The following NELL1 variants were observed in gnomAD, a reference collection of about 807,000 sequenced individuals.
NELL1 encodes neural EGFL like 1, also known as protein kinase C-binding protein NELL1.
In NELL1, 76 loss-of-function variants were observed where a neutral mutation model predicts 107.4. That is an observed-to-expected ratio of 0.71 (90% confidence interval 0.59 to 0.86). NELL1 has a LOEUF of 0.86. Ranked by LOEUF, NELL1 falls within the 40% of genes least tolerant of loss-of-function variation. The pLI, the probability that NELL1 is intolerant of heterozygous loss-of-function variation, is 0.00. For missense variants in NELL1, 1,024 were observed against 1,005.5 expected, an observed-to-expected ratio of 1.02 and a Z score of -0.25; for synonymous variants, 353 against 341.2, an observed-to-expected ratio of 1.03 and a Z score of -0.38.
At chr11:21,100,215 G>A (rs1411999827) in intron 12 of NELL1, among the ~76,000 whole-genome samples, 2 of 151,948 alleles carry the variant, frequency 1.3e-5, no homozygotes, top group Admixed American at 6.6e-5. Context: ...ACAGGGTTTC[G>A]CCACGTTGCC....
intron 1 of NELL1, among the ~76,000 whole-genome samples, chr11:20,676,007 C>G (rs970025272): frequency 6.6e-6 from 1 of 152,114 alleles, no homozygotes; most frequent in African/African-American, 2.4e-5. Context: ...CCTCAGCCTC[C>G]CAAAGTGTTA....
At chr11:21,108,527 G>T (rs952393585) in intron 12 of NELL1, among the ~76,000 whole-genome samples, 1 of 152,090 alleles carries the variant, frequency 6.6e-6, no homozygotes, top group East Asian at 1.9e-4. Context: ...TTATATGAAA[G>T]AATTGCAATT....
intron 13 of NELL1, among the ~76,000 whole-genome samples, chr11:21,226,102 T>C (rs529357556): frequency 6.6e-6 from 1 of 151,974 alleles, no homozygotes; most frequent in East Asian, 1.9e-4. Context: ...GAATGTGATA[T>C]TTATAGAAGA....
rs77978552 is a variant in NELL1, at chr11:21,134,282, A to G, written c.1426+20568A>G. Among the ~76,000 whole-genome samples the G allele has an allele frequency of 6.0e-4, 92 of 152,316 alleles. No individual in the cohort carries two copies. The East Asian group carries it at 0.016, about 27-fold the overall frequency. On this transcript the variant is annotated intron_variant, in intron 13 of 19. Coordinates refer to ENST00000357134, the MANE Select transcript of NELL1 (RefSeq NM_006157.5). ...CCAAAGAAAGCTTCTTTGAGTTGGTATCTCTGGAGCTGTGAAATAGGGTTT... is the reference window on the plus strand; with the variant it reads ...CCAAAGAAAGCTTCTTTGAGTTGGTGTCTCTGGAGCTGTGAAATAGGGTTT...
intron 14 of NELL1, chr11:21,284,374 G>A: frequency 2.2e-6 from 1 of 457,184 alleles, no homozygotes; most frequent in Non-Finnish European, 4.4e-6. Context: ...CTAAGGCCAA[G>A]TCTTTGTGCA....
At chr11:20,757,341 C>G (rs1164212624) in intron 2 of NELL1, among the ~76,000 whole-genome samples, 2 of 152,124 alleles carry the variant, frequency 1.3e-5, no homozygotes, top group Non-Finnish European at 1.5e-5. Context: ...TATAGAGAGA[C>G]TTCTCCTGGC....
chr11:21,093,313 T>C (rs550570262), intron 12 of NELL1, among the ~76,000 whole-genome samples: 1 of 152,332 alleles, frequency 6.6e-6, no homozygotes, highest in African/African-American at 2.4e-5. Flanking sequence ...TCTTTGCCAT[T>C]TGGGCAGAGT....
chr11:21,277,366 C>T (rs111519785), intron 14 of NELL1, among the ~76,000 whole-genome samples: 25,359 of 148,390 alleles, frequency 0.17, 2,534 homozygotes, highest in Middle Eastern at 0.24. Flanking sequence ...CTCACACCAG[C>T]TAGAATGGCA....
chr11:21,431,472 G>T (rs935964657), intron 15 of NELL1, among the ~76,000 whole-genome samples: 1 of 152,084 alleles, frequency 6.6e-6, no homozygotes, highest in East Asian at 1.9e-4. Context: ...CACTTTGTAG[G>T]AGCTCAATAA....
intron 13 of NELL1, among the ~76,000 whole-genome samples, chr11:21,193,011 A>C (rs1432648145): frequency 1.3e-5 from 2 of 151,888 alleles, no homozygotes; most frequent in African/African-American, 4.9e-5. Context: ...AACCATTTAC[A>C]AAATGTAGTG....
intron 3 of NELL1, among the ~76,000 whole-genome samples, chr11:20,840,539 T>C (rs578120398): frequency 8.0e-4 from 122 of 152,208 alleles, no homozygotes; most frequent in Admixed American, 1.7e-3. Context: ...GGGATCCCAG[T>C]TGGGGTTGTC....
At position 20,868,380 on chromosome 11, in the gene NELL1, G is replaced by T. The variant is rs75733170; in HGVS notation, c.507-17064G>T. The stretch of plus-strand genomic sequence containing the variant: ...AGTAAATTAGAGGTTTTCAAGTGCT[G>T]GGGGGAGGGTGAATGGAAAGTTATT... On this transcript the variant is annotated intron_variant, in intron 4 of 19. Transcript: ENST00000357134. Among the ~76,000 whole-genome samples, 1,335 of 152,174 alleles carry T rather than the reference G, an allele frequency of 8.8e-3. 13 individuals are homozygous for T. The highest frequency in any genetic ancestry group is 0.03 in the African/African-American group (1,239 of 41,522).
chr11:21,542,303 T>C (rs184549934), intron 16 of NELL1, among the ~76,000 whole-genome samples: 1 of 152,196 alleles, frequency 6.6e-6, no homozygotes, highest in Non-Finnish European at 1.5e-5. Context: ...CCAAAGCTTC[T>C]GTTCTTAATA....
intron 12 of NELL1, among the ~76,000 whole-genome samples, chr11:20,990,929 G>C (rs901618726): frequency 6.6e-6 from 1 of 151,910 alleles, no homozygotes; most frequent in Non-Finnish European, 1.5e-5. Flanking sequence ...TGCTTCCTTA[G>C]CCATGCTCTG....
At chr11:20,942,034 A>G (rs1354723140) in intron 10 of NELL1, among the ~76,000 whole-genome samples, 1 of 152,160 alleles carries the variant, frequency 6.6e-6, no homozygotes, top group Non-Finnish European at 1.5e-5. Flanking sequence ...ACATTGTTTC[A>G]TTTTCTTTTC....
At chr11:21,393,714 A>G (rs1473076863) in intron 15 of NELL1, among the ~76,000 whole-genome samples, 1 of 151,684 alleles carries the variant, frequency 6.6e-6, no homozygotes, top group African/African-American at 2.4e-5. Flanking sequence ...ACTCTAATAT[A>G]TCCTGAGATT....
intron 13 of NELL1, among the ~76,000 whole-genome samples, chr11:21,131,698 A>T (rs1855622523): frequency 6.6e-6 from 1 of 152,098 alleles, no homozygotes. Flanking sequence ...ATTTTGTTTG[A>T]TTCATAAAAC....
chr11:21,518,617 G>C (rs965763685), intron 15 of NELL1, among the ~76,000 whole-genome samples: 10 of 152,182 alleles, frequency 6.6e-5, no homozygotes, highest in Non-Finnish European at 1.3e-4. Context: ...CTAAGGATTA[G>C]ATATAATGGC....
chr11:21,538,897 A>C (rs1017631081), intron 16 of NELL1, among the ~76,000 whole-genome samples: 3 of 152,102 alleles, frequency 2.0e-5, no homozygotes, highest in Non-Finnish European at 4.4e-5. Flanking sequence ...TTGTTCTCTC[A>C]TATACTTTGC....
Sources: gnomAD v4.1 joint callset for allele counts (sites outside exome capture counted in the v4.1 genomes callset) on GRCh38, gnomAD v4.1.1 for gene constraint, MANE v1.5 for transcripts, NCBI Gene and HGNC (gene_info 2026-07-23, HGNC 2026-07-21) for gene names.